ZNF580: variants seen among roughly 807,000 people sequenced by gnomAD.
The protein encoded by ZNF580 is zinc finger protein 580.
ZNF580 carries 1 observed loss-of-function variant against 1.3 expected under a neutral mutation model. That is an observed-to-expected ratio of 0.77 (90% confidence interval 0.27 to 3.65). The LOEUF (loss-of-function observed/expected upper bound fraction) is 3.65, where lower values mean the gene tolerates loss of function less well. Ranked by LOEUF, ZNF580 falls within the 30% of genes most tolerant of loss-of-function variation. ZNF580 has a pLI of 0.19. For synonymous variants in ZNF580, 135 were observed against 128.8 expected, an observed-to-expected ratio of 1.05 and a Z score of -0.32; for missense variants, 268 against 272.3, an observed-to-expected ratio of 0.98 and a Z score of 0.11.
In ZNF580 at chr19:55,642,576, CCCCCAAGGCTCCCCCTTT is replaced by C. The variant is rs751700812; in HGVS notation, c.78_95del (p.Pro27_Ala32del). 50 of 1,448,628 alleles carry C rather than the reference CCCCCAAGGCTCCCCCTTT, an allele frequency of 3.5e-5. No homozygotes were observed. The highest frequency in any genetic ancestry group is 5.9e-5 in the African/African-American group (4 of 67,270). The allele number at this position is 1,448,628 out of a possible 1,614,324, so 89.7% of individuals were successfully genotyped here. On this transcript the variant is annotated inframe_deletion, in exon 2 of 2. Coordinates refer to ENST00000325333, the MANE Select transcript of ZNF580 (RefSeq NM_207115.2). ...TCTCCGGAGGCCATGGACCCACCGCCCCCCAAGGCTCCCCCTTTCCCCAAGGCGGAAGGCCCCTCCTCC... is the reference window on the plus strand; with the variant it reads ...TCTCCGGAGGCCATGGACCCACCGCCCCCCAAGGCGGAAGGCCCCTCCTCC...
Position 55,642,789 on chromosome 19 carries a change from G to A in ZNF580, c.281G>A (p.Cys94Tyr), listed in dbSNP as rs1329025645. 39 of 1,558,478 alleles carry A rather than the reference G, an allele frequency of 2.5e-5. No individual in the cohort carries two copies. Among genetic ancestry groups the A allele is most frequent in the Non-Finnish European group, 3.4e-5 (39 of 1,159,568 alleles). The change falls in exon 2 of 2, where the codon TGC becomes TAC. Residue 94 changes from cysteine to tyrosine, a missense_variant. Around this residue, in one of 2 missense-constraint regions of ZNF580, gnomAD observed 225 missense variants for 201.7 expected, o/e 1.12. Coordinates refer to ENST00000325333, the MANE Select transcript of ZNF580 (RefSeq NM_207115.2). The part of the protein sequence containing the change: ...GEPGPRKGYS[C>Y]PECARVFASP... ...CCCGGCCCTCGCAAGGGCTACAGCT[G>A]CCCGGAGTGCGCCCGTGTCTTTGCC...
intron 1 of ZNF580, chr19:55,641,937 AGGGAGGCCACGGAATATGAAGATG>A (rs1346214272): frequency 6.9e-6 from 4 of 583,276 alleles, no homozygotes; most frequent in African/African-American, 4.6e-5. Flanking sequence ...AGAGGAAGTG[AGGGAGGCCACGGAATATGAAGATG>A]GGGAGGCCCT....
Position 55,643,300 on chromosome 19 carries a change from A to G in ZNF580, c.*273A>G. The G allele has an allele frequency of 2.4e-6, 1 of 420,886 alleles. No homozygotes were observed. Among genetic ancestry groups the G allele is most frequent in the Non-Finnish European group, 4.2e-6 (1 of 237,884 alleles). 26.1% of individuals were successfully genotyped at this position (420,886 alleles called of 1,614,324 possible). ...CAGCTGTGCTGTGTGAGCCTGTGCA[A>G]GTGACATGACCTCTCTAAACCTTGG... On this transcript the variant is annotated 3_prime_UTR_variant, in exon 2 of 2. Coordinates refer to ENST00000325333, the MANE Select transcript of ZNF580 (RefSeq NM_207115.2).
Position 55,641,030 on chromosome 19 carries a change from T to G in ZNF580, c.-166T>G. 3 of 984,974 alleles carry G rather than the reference T, an allele frequency of 3.0e-6. No individual in the cohort carries two copies. Among genetic ancestry groups the G allele is most frequent in the Non-Finnish European group, 3.6e-6 (3 of 829,788 alleles). 61.0% of individuals were successfully genotyped at this position (984,974 alleles called of 1,614,324 possible). A position where few individuals can be genotyped will look rare whatever the true frequency, so the allele number is the denominator to read the frequency against. Reference sequence around the variant, plus strand: ...TTTTCCCAGGGACTCCGCCAACCCCTCGCACCCCCGCGCCCCCAGTCCCCG... The same window carrying G: ...TTTTCCCAGGGACTCCGCCAACCCCGCGCACCCCCGCGCCCCCAGTCCCCG... On this transcript the variant is annotated 5_prime_UTR_variant, in exon 1 of 2. Transcript: ENST00000325333.
rs1380942779 is a variant in ZNF580, at chr19:55,642,572, C to T, written c.64C>T (p.Pro22Ser). 6.9e-6 allele frequency: 10 copies of T among 1,451,508 alleles called. No individual in the cohort carries two copies. The highest frequency in any genetic ancestry group is 9.1e-6 in the Non-Finnish European group (10 of 1,102,962). 89.9% of individuals were successfully genotyped at this position (1,451,508 alleles called of 1,614,324 possible). A position where few individuals can be genotyped will look rare whatever the true frequency, so the allele number is the denominator to read the frequency against. ...CTCCTCTCCGGAGGCCATGGACCCA[C>T]CGCCCCCCAAGGCTCCCCCTTTCCC... The part of the protein sequence containing the change: ...RSSSPEAMDP[P>S]PPKAPPFPKA... Residue 22 changes from proline (P) to serine (S), a missense_variant, in exon 2 of 2, where the codon CCG (proline) becomes TCG (serine). Around this residue, in one of 2 missense-constraint regions of ZNF580, gnomAD observed 225 missense variants for 201.7 expected, o/e 1.12. Transcript: ENST00000325333.
chr19:55,642,296 G>T, intron 1 of ZNF580: 4 of 1,252,816 alleles, frequency 3.2e-6, no homozygotes, highest in Non-Finnish European at 4.0e-6. Context: ...GTTTTGCAGA[G>T]CTCAGTTGGA....
intron 1 of ZNF580, chr19:55,642,266 G>T (rs1982549538): frequency 1.6e-5 from 20 of 1,239,182 alleles, no homozygotes; most frequent in Non-Finnish European, 1.9e-5. Context: ...GACCCAGGAG[G>T]AGTGGCAGGT....
rs534480629 is a variant in ZNF580, at chr19:55,641,266, C to G, written c.-13+83C>G. 4.4e-4 allele frequency: 390 copies of G among 884,224 alleles called. 1 individual carries two copies. The South Asian group carries it at 4.4e-3, about 10-fold the overall frequency. 54.8% of individuals were successfully genotyped at this position (884,224 alleles called of 1,614,324 possible). Reference sequence around the variant, plus strand: ...AGGCTGGGGGAGTGCGCTGGAGCCACCCGGGATGGGGGTGGGGGTCGGGAG... The same window carrying G: ...AGGCTGGGGGAGTGCGCTGGAGCCAGCCGGGATGGGGGTGGGGGTCGGGAG... On this transcript the variant is annotated intron_variant, in intron 1 of 1. Transcript: ENST00000325333.
intron 1 of ZNF580, 34 bp from the exon 2 acceptor site, chr19:55,642,463 C>A (rs748293905): frequency 7.2e-7 from 1 of 1,397,890 alleles, no homozygotes; most frequent in Admixed American, 2.9e-5. Flanking sequence ...AAGGAAGTGG[C>A]AATTTTAACT....
In ZNF580 at chr19:55,643,106, C is replaced by T. The variant is rs188200089; in HGVS notation, c.*79C>T. The T allele has an allele frequency of 4.4e-4, 578 of 1,318,718 alleles. 3 individuals carry two copies. In the African/African-American group the frequency reaches 8.1e-3, roughly 19 times the overall value. The allele number at this position is 1,318,718 out of a possible 1,614,324, so 81.7% of individuals were successfully genotyped here. On this transcript the variant is annotated 3_prime_UTR_variant, in exon 2 of 2. Coordinates refer to ENST00000325333, the MANE Select transcript of ZNF580 (RefSeq NM_207115.2). ...CCACACAGCGTCACTCACTCCCACA[C>T]ACACCCCCTGGCTCTGCTGAGGTTA... is the stretch of plus-strand genomic sequence containing the variant.
chr19:55,642,591 C>A lies in ZNF580; in HGVS notation c.83C>A (p.Pro28His). The A allele has an allele frequency of 6.9e-7, 1 of 1,452,170 alleles. No individual in the cohort carries two copies. 90.0% of individuals were successfully genotyped at this position (1,452,170 alleles called of 1,614,324 possible). ...AMDPPPPKAP[P>H]FPKAEGPSST... is the part of the protein sequence containing the mutation. ...GACCCACCGCCCCCCAAGGCTCCCC[C>A]TTTCCCCAAGGCGGAAGGCCCCTCC... is the stretch of plus-strand genomic sequence containing the variant. Residue 28 changes from proline to histidine, a missense_variant, in exon 2 of 2, where the codon CCT becomes CAT. Physicochemically the swap from Pro to His is moderately conservative, Grantham distance 77. Coordinates refer to ENST00000325333, the MANE Select transcript of ZNF580 (RefSeq NM_207115.2).
Position 55,643,076 on chromosome 19 carries a change from C to G in ZNF580, c.*49C>G. On this transcript the variant is annotated 3_prime_UTR_variant, in exon 2 of 2. Coordinates refer to ENST00000325333, the MANE Select transcript of ZNF580 (RefSeq NM_207115.2). The stretch of plus-strand genomic sequence containing the variant: ...CCTGCCCGTCTCAGGGCCACCAAGT[C>G]TGACCCACACAGCGTCACTCACTCC... 2 of 1,337,168 alleles carry G rather than the reference C, an allele frequency of 1.5e-6. No homozygotes were observed. The highest frequency in any genetic ancestry group is 1.9e-6 in the Non-Finnish European group (2 of 1,041,334). 82.8% of individuals were successfully genotyped at this position (1,337,168 alleles called of 1,614,324 possible).
rs1982577797 is a variant in ZNF580, at chr19:55,642,544, G to C, written c.36G>C (p.Arg12=). 3 of 1,447,736 alleles carry C rather than the reference G, an allele frequency of 2.1e-6. No homozygotes were observed. Among genetic ancestry groups the C allele is most frequent in the Non-Finnish European group, 2.7e-6 (3 of 1,102,952 alleles). 89.7% of individuals were successfully genotyped at this position (1,447,736 alleles called of 1,614,324 possible). The change falls in exon 2 of 2, where the codon CGG becomes CGC. Residue 12 remains arginine (R), a synonymous_variant. Coordinates refer to ENST00000325333, the MANE Select transcript of ZNF580 (RefSeq NM_207115.2). Reference sequence around the variant, plus strand: ...TGCCGCCGCGGCCACCCCACCCTCGGTCCTCCTCTCCGGAGGCCATGGACC... The same window carrying C: ...TGCCGCCGCGGCCACCCCACCCTCGCTCCTCCTCTCCGGAGGCCATGGACC... The part of the protein sequence containing the change: ...LLLPPRPPHP[R]SSSPEAMDPP...
Position 55,642,834 on chromosome 19 carries a change from G to T in ZNF580, c.326G>T (p.Ser109Ile). Reference sequence around the variant, plus strand: ...TTTGCCAGCCCTCTGCGGCTGCAGAGCCACCGCGTGTCGCACTCGGACCTC... The same window carrying T: ...TTTGCCAGCCCTCTGCGGCTGCAGATCCACCGCGTGTCGCACTCGGACCTC... Reference protein sequence around the residue: ...RVFASPLRLQSHRVSHSDLKP... With the variant: ...RVFASPLRLQIHRVSHSDLKP... The change falls in exon 2 of 2, where the codon AGC becomes ATC. Residue 109 changes from serine (S) to isoleucine (I), a missense_variant. Transcript: ENST00000325333. 6.3e-7 allele frequency: 1 copy of T among 1,574,822 alleles called. No homozygotes were observed.
At position 55,642,523 on chromosome 19, in the gene ZNF580, G is replaced by C; in HGVS notation, c.15G>C (p.Pro5=). Residue 5 remains proline (P), a synonymous_variant, in exon 2 of 2, where the codon CCG becomes CCC. Transcript: ENST00000325333. MLLL[P]PRPPHPRSSS... ...TGCCGCTCCAGATGCTGCTGCTGCC[G>C]CCGCGGCCACCCCACCCTCGGTCCT... is the stretch of plus-strand genomic sequence containing the variant. 1 of 1,436,550 alleles carries C rather than the reference G, an allele frequency of 7.0e-7. No homozygotes were observed. Among genetic ancestry groups the C allele is most frequent in the African/African-American group, 1.5e-5 (1 of 67,202 alleles). The allele number at this position is 1,436,550 out of a possible 1,614,324, so 89.0% of individuals were successfully genotyped here.
At position 55,642,843 on chromosome 19, in the gene ZNF580, T is replaced by C; in HGVS notation, c.335T>C (p.Val112Ala). The C allele has an allele frequency of 6.3e-7, 1 of 1,575,294 alleles. No homozygotes were observed. The highest frequency in any genetic ancestry group is 8.6e-7 in the Non-Finnish European group (1 of 1,169,110). Reference protein sequence around the residue: ...ASPLRLQSHRVSHSDLKPFTC... With the variant: ...ASPLRLQSHRASHSDLKPFTC... The stretch of plus-strand genomic sequence containing the variant: ...CCTCTGCGGCTGCAGAGCCACCGCG[T>C]GTCGCACTCGGACCTCAAGCCCTTC... Residue 112 changes from valine to alanine, a missense_variant, in exon 2 of 2, where the codon GTG becomes GCG. Physicochemically the swap from Val to Ala is moderately conservative, Grantham distance 64. Coordinates refer to ENST00000325333, the MANE Select transcript of ZNF580 (RefSeq NM_207115.2).
At position 55,642,658 on chromosome 19, in the gene ZNF580, G is replaced by A; in HGVS notation, c.150G>A (p.Leu50=). The A allele has an allele frequency of 1.4e-6, 2 of 1,425,240 alleles. No individual in the cohort carries two copies. Among genetic ancestry groups the A allele is most frequent in the Non-Finnish European group, 1.8e-6 (2 of 1,087,134 alleles). The allele number at this position is 1,425,240 out of a possible 1,614,324, so 88.3% of individuals were successfully genotyped here. A position where few individuals can be genotyped will look rare whatever the true frequency, so the allele number is the denominator to read the frequency against. ...CGGCGGGGCCCCGACCCCCGCGGCT[G>A]GGCCGCCACCTCCTCATCGACGCCA... is the stretch of plus-strand genomic sequence containing the variant. ...SSAAGPRPPR[L]GRHLLIDANG... Residue 50 remains leucine, a synonymous_variant, in exon 2 of 2, where the codon CTG becomes CTA. Transcript: ENST00000325333.
chr19:55,643,175 G>A lies in ZNF580; in HGVS notation c.*148G>A. 3 of 1,232,366 alleles carry A rather than the reference G, an allele frequency of 2.4e-6. No homozygotes were observed. The highest frequency in any genetic ancestry group is 2.1e-6 in the Non-Finnish European group (2 of 965,444). The allele number at this position is 1,232,366 out of a possible 1,614,324, so 76.3% of individuals were successfully genotyped here. A position where few individuals can be genotyped will look rare whatever the true frequency, so the allele number is the denominator to read the frequency against. The stretch of plus-strand genomic sequence containing the variant: ...CAGTTTCCCCACCTTCCAAAGGGAG[G>A]AGCATCATTCCTTCCTTACCCCCTT... On this transcript the variant is annotated 3_prime_UTR_variant, in exon 2 of 2. Coordinates refer to ENST00000325333, the MANE Select transcript of ZNF580 (RefSeq NM_207115.2).
In ZNF580 at chr19:55,642,512, C is replaced by T. The variant is rs1409309640; in HGVS notation, c.4C>T (p.Leu2=). M[L]LLPPRPPHPR... ...CCGCTCCCAGCTGCCGCTCCAGATG[C>T]TGCTGCTGCCGCCGCGGCCACCCCA... The change falls in exon 2 of 2, where the codon CTG becomes TTG. Residue 2 remains leucine (L), a synonymous_variant. Transcript: ENST00000325333. The T allele has an allele frequency of 2.0e-5, 29 of 1,430,326 alleles. No homozygotes were observed. The highest frequency in any genetic ancestry group is 1.1e-4 in the Admixed American group (4 of 35,308). The allele number at this position is 1,430,326 out of a possible 1,614,324, so 88.6% of individuals were successfully genotyped here. A position where few individuals can be genotyped will look rare whatever the true frequency, so the allele number is the denominator to read the frequency against.
Sources: allele counts gnomAD v4.1 joint callset, GRCh38; gene constraint gnomAD v4.1.1; regional missense constraint gnomAD v4.1.1; transcripts MANE v1.5; gene names NCBI Gene and HGNC (gene_info 2026-07-23, HGNC 2026-07-21).